Variants in KIRREL2 observed in about 807,000 individuals in gnomAD.
The protein encoded by KIRREL2 is kin of IRRE-like protein 2.
Under a neutral mutation model 73.4 loss-of-function variants are expected in KIRREL2, and 56 were observed. That is an observed-to-expected ratio of 0.76 (90% CI 0.62 to 0.95). KIRREL2 has a LOEUF of 0.95. Among genes scored for constraint, KIRREL2 ranks in the 40% least tolerant of loss-of-function variants. The pLI is 0.00. For synonymous variants in KIRREL2, 407 were observed against 404.0 expected, an observed-to-expected ratio of 1.01 and a Z score of -0.09; for missense variants, 896 against 935.0, an observed-to-expected ratio of 0.96 and a Z score of 0.54.
upstream of KIRREL2, among the ~76,000 whole-genome samples, chr19:35,853,837 ATTTTTTTTTTTT>A (rs759219505): frequency 2.9e-5 from 2 of 69,430 alleles, no homozygotes; most frequent in African/African-American, 6.7e-5. Context: ...CACTCTGGCT[ATTTTTTTTTTTT>A]TTTTTTTTTT....
chr19:35,860,982 C>T lies in KIRREL2; in HGVS notation c.1002C>T (p.Ala334=), dbSNP rs776648314. The T allele has an allele frequency of 6.2e-7, 1 of 1,613,532 alleles. No homozygotes were observed. The highest frequency in any genetic ancestry group is 1.3e-5 in the African/African-American group (1 of 75,060). Residue 334 remains alanine (A), a synonymous_variant, in exon 8 of 15, where the codon GCC becomes GCT. Coordinates refer to ENST00000360202, the MANE Select transcript of KIRREL2 (RefSeq NM_199180.4). The part of the protein sequence containing the change: ...DVGEDASFSC[A]WRGNPLPRVT... ...GGGAAGACGCTTCCTTCAGCTGCGC[C>T]TGGCGCGGGAACCCGCTTCCACGGG...
chr19:35,857,354 C>T lies in KIRREL2; in HGVS notation c.71C>T (p.Pro24Leu). ...FCFRGRAGPS[P>L]HFLQQPEDLV... ...CCCCGAACTCTCCTAGGCCCGTCGC[C>T]CCATTTCCTGCAACAGCCAGAGGAC... The change falls in exon 2 of 15, where the codon CCC becomes CTC. Residue 24 changes from proline to leucine, a missense_variant. Pro to Leu is a moderately conservative substitution (Grantham distance 98). Transcript: ENST00000360202. 6.2e-7 allele frequency: 1 copy of T among 1,612,530 alleles called. No individual in the cohort carries two copies. Among genetic ancestry groups the T allele is most frequent in the Non-Finnish European group, 8.5e-7 (1 of 1,180,022 alleles).
intron 5 of KIRREL2, 102 bp from the exon 6 acceptor site, chr19:35,860,195 G>A: frequency 1.1e-6 from 1 of 903,288 alleles, no homozygotes; most frequent in Non-Finnish European, 1.7e-6. Flanking sequence ...GGGGATTAGG[G>A]GCCCAGACTC....
At position 35,858,803 on chromosome 19, in the gene KIRREL2, C is replaced by T. The variant is rs1973543756; in HGVS notation, c.461C>T (p.Pro154Leu). 6.2e-7 allele frequency: 1 copy of T among 1,614,104 alleles called. No individual in the cohort carries two copies. The highest frequency in any genetic ancestry group is 8.5e-7 in the Non-Finnish European group (1 of 1,180,050). ...TGTCGGAGCCGTGGGGATGCCCGCC[C>T]TACCCCTGAATTGCTGTGGTTCCGA... is the stretch of plus-strand genomic sequence containing the variant. ...LTCRSRGDAR[P>L]TPELLWFRDG... The change falls in exon 4 of 15, where the codon CCT becomes CTT. Residue 154 changes from proline to leucine, a missense_variant. Coordinates refer to ENST00000360202, the MANE Select transcript of KIRREL2 (RefSeq NM_199180.4).
chr19:35,853,636 T>C (rs559235075), upstream of KIRREL2, among the ~76,000 whole-genome samples: 2 of 152,198 alleles, frequency 1.3e-5, no homozygotes, highest in South Asian at 4.1e-4. Flanking sequence ...CCTGAATAGC[T>C]GGGACTACAG....
intron 1 of KIRREL2, 62 bp from the exon 2 acceptor site, chr19:35,857,283 G>T: frequency 6.2e-7 from 1 of 1,609,374 alleles, no homozygotes. Flanking sequence ...GGACTCCTGG[G>T]TCCTGAATGA....
chr19:35,858,957 G>A, intron 4 of KIRREL2, 93 bp downstream of exon 4: 1 of 1,391,772 alleles, frequency 7.2e-7, no homozygotes, highest in Non-Finnish European at 1.0e-6. Flanking sequence ...AAGAAGACAT[G>A]GGAGGGCAGA....
chr19:35,863,877 C>T (rs1408712902), intron 13 of KIRREL2, among the ~76,000 whole-genome samples: 1 of 151,310 alleles, frequency 6.6e-6, no homozygotes, highest in East Asian at 2.0e-4. Context: ...GGGTTCACAC[C>T]ATTCTCCTGC....
chr19:35,860,526 A>C lies in KIRREL2; in HGVS notation c.787A>C (p.Lys263Gln), dbSNP rs938275552. 2 of 1,603,058 alleles carry C rather than the reference A, an allele frequency of 1.2e-6. No homozygotes were observed. The highest frequency in any genetic ancestry group is 1.3e-5 in the African/African-American group (1 of 75,040). ...QPPVTGYRWAKGGSPVLGARG... is the reference protein window; with the variant it reads ...QPPVTGYRWAQGGSPVLGARG... ...GCGCCACCATTTCCTCAGGTGGGCA[A>C]AAGGGGGCTCTCCGGTGCTCGGGGC... Residue 263 changes from lysine (K) to glutamine (Q), a missense_variant, in exon 7 of 15, where the codon AAA (lysine) becomes CAA (glutamine). Lys to Gln is a moderately conservative substitution (Grantham distance 53). Coordinates refer to ENST00000360202, the MANE Select transcript of KIRREL2 (RefSeq NM_199180.4).
In KIRREL2 at chr19:35,861,631, C is replaced by G. The variant is rs766710507; in HGVS notation, c.1280C>G (p.Pro427Arg). ...TGTCTGGTTTTCGCCTCTCCCGCCCCAGATGCCGTGGTAAGGAAATGTCAC... is the reference window on the plus strand; with the variant it reads ...TGTCTGGTTTTCGCCTCTCCCGCCCGAGATGCCGTGGTAAGGAAATGTCAC... ...LQCLVFASPA[P>R]DAVVWSWDEG... Residue 427 changes from proline to arginine, a missense_variant, in exon 10 of 15, where the codon CCA (proline) becomes CGA (arginine). By Grantham distance (103) the Pro-to-Arg change is moderately radical (BLOSUM62 -2). Coordinates refer to ENST00000360202, the MANE Select transcript of KIRREL2 (RefSeq NM_199180.4). 3 of 1,613,060 alleles carry G rather than the reference C, an allele frequency of 1.9e-6. No homozygotes were observed. Among genetic ancestry groups the G allele is most frequent in the Non-Finnish European group, 2.5e-6 (3 of 1,179,650 alleles).
At chr19:35,859,430 T>C in intron 4 of KIRREL2, 51 bp from the exon 5 acceptor site, 1 of 1,543,836 alleles carries the variant, frequency 6.5e-7, no homozygotes. Context: ...GCCAAAAGAT[T>C]GGACACCCCT....
intron 4 of KIRREL2, 55 bp downstream of exon 4, chr19:35,858,919 A>C (rs1382354255): frequency 5.7e-6 from 9 of 1,579,028 alleles, no homozygotes; most frequent in Non-Finnish European, 7.8e-6. Context: ...CTTGGGTTAC[A>C]CTCTGACCAC....
chr19:35,862,564 G>A lies in KIRREL2; in HGVS notation c.1582G>A (p.Gly528Arg). ...CACAACTCTCCTTATGGTCATCACTGGGGTGGCCCTCTGCTGCTGGCGCCA... is the reference window on the plus strand; with the variant it reads ...CACAACTCTCCTTATGGTCATCACTAGGGTGGCCCTCTGCTGCTGGCGCCA... ...ATTTLLMVITGVALCCWRHSK... is the reference protein window; with the variant it reads ...ATTTLLMVITRVALCCWRHSK... Residue 528 changes from glycine to arginine, a missense_variant, in exon 12 of 15, where the codon GGG becomes AGG. Physicochemically the swap from Gly to Arg is moderately radical, Grantham distance 125. Transcript: ENST00000360202. 2 of 1,609,888 alleles carry A rather than the reference G, an allele frequency of 1.2e-6. No individual in the cohort carries two copies. Among genetic ancestry groups the A allele is most frequent in the Non-Finnish European group, 1.7e-6 (2 of 1,179,926 alleles).
At chr19:35,862,175 C>T in intron 11 of KIRREL2, 151 bp downstream of exon 11, 1 of 661,578 alleles carries the variant, frequency 1.5e-6, no homozygotes, top group Non-Finnish European at 2.5e-6. Context: ...CTCATTGATT[C>T]CCAAGACACC....
rs35569940 is a variant in KIRREL2, at chr19:35,865,173, CTTTTT to C, written c.1791+476_1791+480del. Among the ~76,000 whole-genome samples the C allele has an allele frequency of 8.6e-5, 9 of 105,214 alleles. 1 individual carries two copies. Among genetic ancestry groups the C allele is most frequent in the African/African-American group, 1.6e-4 (4 of 25,388 alleles). The allele number at this position is 105,214 out of a possible 152,430, so 69.0% of individuals were successfully genotyped here. On this transcript the variant is annotated intron_variant, in intron 14 of 14. Coordinates refer to ENST00000360202, the MANE Select transcript of KIRREL2 (RefSeq NM_199180.4). ...CCTAGCACATGCCATTCTCTCTCTT[CTTTTT>C]TTTTTTTTTTTTTTTGAGACGGAGT...
Position 35,857,169 on chromosome 19 carries a change from G to A in KIRREL2, c.50G>A (p.Arg17Lys). 1.2e-6 allele frequency: 2 copies of A among 1,613,272 alleles called. No individual in the cohort carries two copies. Among genetic ancestry groups the A allele is most frequent in the Non-Finnish European group, 8.5e-7 (1 of 1,179,756 alleles). The change falls in exon 1 of 15, where the codon AGA (arginine) becomes AAA (lysine). Residue 17 changes from arginine to lysine, a missense_variant. Physicochemically the swap from Arg to Lys is conservative, Grantham distance 26. Coordinates refer to ENST00000360202, the MANE Select transcript of KIRREL2 (RefSeq NM_199180.4). ...CTCCTCGTCCTCCTCTTCTGCTTCA[G>A]AGGGAGAGCAGGTACCGCACGAGGG... Reference protein sequence around the residue: ...PALLVLLFCFRGRAGPSPHFL... With the variant: ...PALLVLLFCFKGRAGPSPHFL...
chr19:35,866,880 G>C lies in KIRREL2; in HGVS notation c.*388G>C, dbSNP rs1973994320. ...TTGAGAGGAAAGGTAGCATAGGATA[G>C]ATGAAGATGAAGAGCATACCAGGCC... On this transcript the variant is annotated 3_prime_UTR_variant, in exon 15 of 15. Transcript: ENST00000360202. The C allele has an allele frequency of 3.4e-6, 1 of 290,956 alleles. No homozygotes were observed. The highest frequency in any genetic ancestry group is 4.3e-5 in the South Asian group (1 of 23,332). The allele number at this position is 290,956 out of a possible 1,614,324, so 18.0% of individuals were successfully genotyped here.
Position 35,860,561 on chromosome 19 carries a change from A to G in KIRREL2, c.822A>G (p.Pro274=). The G allele has an allele frequency of 1.2e-6, 2 of 1,603,484 alleles. No individual in the cohort carries two copies. Residue 274 remains proline, a synonymous_variant, in exon 7 of 15, where the codon CCA becomes CCG. Transcript: ENST00000360202. The part of the protein sequence containing the change: ...GGSPVLGARG[P]RLEVVADASF... ...CTCCGGTGCTCGGGGCCCGCGGGCC[A>G]AGGTTAGAGGTCGTGGCAGACGCCT... is the stretch of plus-strand genomic sequence containing the variant.
chr19:35,855,364 C>T (rs1973384149), upstream of KIRREL2, among the ~76,000 whole-genome samples: 1 of 152,014 alleles, frequency 6.6e-6, no homozygotes, highest in Admixed American at 6.6e-5. Flanking sequence ...GGACCTTGGG[C>T]TCTCCATCTT....
Sources: gnomAD v4.1 joint callset for allele counts (sites outside exome capture counted in the v4.1 genomes callset) on GRCh38, gnomAD v4.1.1 for gene constraint, MANE v1.5 for transcripts, NCBI Gene and HGNC (gene_info 2026-07-23, HGNC 2026-07-21) for gene names.